Variants in CENPO observed in about 807,000 individuals in gnomAD.
CENPO encodes the protein centromere protein O, also known as centromeric protein O.
In CENPO, 30 loss-of-function variants were observed where a neutral mutation model predicts 36.1. That is an observed-to-expected ratio of 0.83 (90% CI 0.62 to 1.13). CENPO has a LOEUF of 1.13. Among genes scored for constraint, CENPO ranks in the 50% most tolerant of loss-of-function variants. CENPO has a pLI of 0.00. For synonymous variants in CENPO, 171 were observed against 142.3 expected, an observed-to-expected ratio of 1.20 and a Z score of -1.44; for missense variants, 349 against 357.8, an observed-to-expected ratio of 0.98 and a Z score of 0.20.
At chr2:24,816,854 C>A in intron 6 of CENPO, 37 bp downstream of exon 6, 2 of 1,538,166 alleles carry the variant, frequency 1.3e-6, no homozygotes. Context: ...TTCTCATATC[C>A]CAGTTTATTT....
chr2:24,820,206 G>A lies in CENPO; in HGVS notation c.*888G>A, dbSNP rs377714251. On this transcript the variant is annotated 3_prime_UTR_variant, in exon 8 of 8. Transcript: ENST00000380834. ...CTTTGGGTGGTTGGAGCCGAGCACT[G>A]ATCCATGGGTCCCAAGCAGTACGGG... 1.6e-6 allele frequency: 2 copies of A among 1,263,220 alleles called. No individual in the cohort carries two copies. The allele number at this position is 1,263,220 out of a possible 1,614,324, so 78.3% of individuals were successfully genotyped here. A position where few individuals can be genotyped will look rare whatever the true frequency, so the allele number is the denominator to read the frequency against.
In CENPO at chr2:24,820,330, C is replaced by T; in HGVS notation, c.*1012C>T. 7.5e-7 allele frequency: 1 copy of T among 1,331,450 alleles called. No individual in the cohort carries two copies. Among genetic ancestry groups the T allele is most frequent in the Non-Finnish European group, 9.6e-7 (1 of 1,044,314 alleles). The allele number at this position is 1,331,450 out of a possible 1,614,324, so 82.5% of individuals were successfully genotyped here. A position where few individuals can be genotyped will look rare whatever the true frequency, so the allele number is the denominator to read the frequency against. On this transcript the variant is annotated 3_prime_UTR_variant, in exon 8 of 8. Transcript: ENST00000380834. Reference sequence around the variant, plus strand: ...TGACTGGCTGGGGGCCTCCTCTCATCCAGAGACTTCTCTCCTAGGATGGCC... The same window carrying T: ...TGACTGGCTGGGGGCCTCCTCTCATTCAGAGACTTCTCTCCTAGGATGGCC...
rs574000727 is a variant in CENPO at position 24,799,723 on chromosome 2, G to T, written c.95G>T (p.Arg32Leu). The change falls in exon 3 of 8, where the codon CGT (arginine) becomes CTT (leucine). Residue 32 changes from arginine to leucine, a missense_variant. Arg to Leu is a moderately radical substitution (Grantham distance 102). Transcript: ENST00000380834. ...ERLETQVSRS[R>L]KQSEELQSVQ... is the part of the protein sequence containing the mutation. Reference sequence around the variant, plus strand: ...CTAGAGACCCAAGTGAGCAGATCCCGTAAACAGTCTGAAGAGCTGCAGAGC... The same window carrying T: ...CTAGAGACCCAAGTGAGCAGATCCCTTAAACAGTCTGAAGAGCTGCAGAGC... The T allele has an allele frequency of 1.2e-6, 2 of 1,613,996 alleles. No individual in the cohort carries two copies. Among genetic ancestry groups the T allele is most frequent in the Middle Eastern group, 1.7e-4 (1 of 5,996 alleles).
chr2:24,804,329 T>G (rs933864222), intron 3 of CENPO, among the ~76,000 whole-genome samples: 2 of 152,198 alleles, frequency 1.3e-5, no homozygotes, highest in Non-Finnish European at 2.9e-5. Context: ...TATTTACATT[T>G]AAGGTTAATA....
In CENPO at chr2:24,820,334, A is replaced by T. The variant is rs1425974589; in HGVS notation, c.*1016A>T. ...TGGCTGGGGGCCTCCTCTCATCCAGAGACTTCTCTCCTAGGATGGCCATGG... is the reference window on the plus strand; with the variant it reads ...TGGCTGGGGGCCTCCTCTCATCCAGTGACTTCTCTCCTAGGATGGCCATGG... On this transcript the variant is annotated 3_prime_UTR_variant, in exon 8 of 8. Transcript: ENST00000380834. The T allele has an allele frequency of 7.5e-7, 1 of 1,330,500 alleles. No homozygotes were observed. Among genetic ancestry groups the T allele is most frequent in the Non-Finnish European group, 9.6e-7 (1 of 1,044,306 alleles). The allele number at this position is 1,330,500 out of a possible 1,614,324, so 82.4% of individuals were successfully genotyped here. A position where few individuals can be genotyped will look rare whatever the true frequency, so the allele number is the denominator to read the frequency against.
Position 24,821,720 on chromosome 2 carries a change from C to T in CENPO, c.*2402C>T. 4 of 1,562,922 alleles carry T rather than the reference C, an allele frequency of 2.6e-6. No individual in the cohort carries two copies. The highest frequency in any genetic ancestry group is 3.5e-6 in the Non-Finnish European group (4 of 1,153,670). ...CTCTGCTGCCTTCCCTGGCAGTGTTCTGGGGGTGGATTCCCTACACCTAGA... is the reference window on the plus strand; with the variant it reads ...CTCTGCTGCCTTCCCTGGCAGTGTTTTGGGGGTGGATTCCCTACACCTAGA... On this transcript the variant is annotated 3_prime_UTR_variant, in exon 8 of 8. Transcript: ENST00000380834.
intron 3 of CENPO, 86 bp downstream of exon 3, chr2:24,799,930 A>C: frequency 4.3e-6 from 6 of 1,407,058 alleles, no homozygotes; most frequent in Non-Finnish European, 5.9e-6. Context: ...CATTTTTTAT[A>C]ATGTGTTTTA....
intron 2 of CENPO, 39 bp from the exon 3 acceptor site, chr2:24,799,636 C>T (rs749542686): frequency 1.9e-6 from 3 of 1,538,978 alleles, no homozygotes; most frequent in Non-Finnish European, 2.7e-6. Context: ...AGTGAGAAAT[C>T]CTCAGCTTCT....
chr2:24,810,884 A>T (rs1240382987), intron 3 of CENPO, among the ~76,000 whole-genome samples: 1 of 152,122 alleles, frequency 6.6e-6, no homozygotes, highest in African/African-American at 2.4e-5. Flanking sequence ...TCTTGTAAAT[A>T]GCATAGAGCT....
At chr2:24,801,595 A>G (rs1417164706) in intron 3 of CENPO, among the ~76,000 whole-genome samples, 4 of 152,152 alleles carry the variant, frequency 2.6e-5, no homozygotes, top group Admixed American at 6.5e-5. Flanking sequence ...ATCCTTCCCC[A>G]TTTCTTGTTT....
intron 2 of CENPO, among the ~76,000 whole-genome samples, chr2:24,796,443 G>A (rs1002594183): frequency 6.6e-6 from 1 of 152,098 alleles, no homozygotes. Flanking sequence ...AAATGCACAC[G>A]GTCCCTGATT....
intron 5 of CENPO, 129 bp downstream of exon 5, chr2:24,815,885 TTTC>T (rs1168792233): frequency 3.6e-6 from 3 of 842,504 alleles, no homozygotes; most frequent in Non-Finnish European, 5.5e-6. Context: ...CCGATGCTTG[TTTC>T]TTATTTATAT....
chr2:24,800,835 T>C (rs897643090), intron 3 of CENPO, among the ~76,000 whole-genome samples: 1 of 152,210 alleles, frequency 6.6e-6, no homozygotes, highest in African/African-American at 2.4e-5. Context: ...CCTTTGGATA[T>C]ATACCCAGTA....
At chr2:24,793,738 G>A (rs1053144153) in intron 1 of CENPO, 114 bp from the exon 2 acceptor site, 19 of 983,710 alleles carry the variant, frequency 1.9e-5, no homozygotes, top group Middle Eastern at 2.5e-4. Context: ...GATCCTAGCC[G>A]TGACATTTGT....
rs1397928710 is a variant in CENPO, at chr2:24,820,217, C to G, written c.*899C>G. ...TGGAGCCGAGCACTGATCCATGGGT[C>G]CCAAGCAGTACGGGACACTCCCCAA... On this transcript the variant is annotated 3_prime_UTR_variant, in exon 8 of 8. Transcript: ENST00000380834. 1 of 1,246,102 alleles carries G rather than the reference C, an allele frequency of 8.0e-7. No individual in the cohort carries two copies. Among genetic ancestry groups the G allele is most frequent in the African/African-American group, 1.5e-5 (1 of 66,006 alleles). 77.2% of individuals were successfully genotyped at this position (1,246,102 alleles called of 1,614,324 possible).
In CENPO at chr2:24,793,860, T is replaced by C; in HGVS notation, c.-60T>C. 1.9e-6 allele frequency: 3 copies of C among 1,613,272 alleles called. No individual in the cohort carries two copies. Among genetic ancestry groups the C allele is most frequent in the Non-Finnish European group, 2.5e-6 (3 of 1,179,280 alleles). ...CATTTTTCTTTTATTAGCAAGGACA[T>C]TGGAGTCCCTATCACCGGTTGCCTA... On this transcript the variant is annotated 5_prime_UTR_variant, in exon 2 of 8. Coordinates refer to ENST00000380834, the MANE Select transcript of CENPO (RefSeq NM_001322101.2).
chr2:24,819,316 A>ATAAATG (rs1232075477), intron 7 of CENPO, 38 bp from the exon 8 acceptor site: 1 of 152,570 alleles, frequency 6.6e-6, no homozygotes, highest in Non-Finnish European at 1.5e-5. Flanking sequence ...GATTAAAAAT[A>ATAAATG]TAAATGTAGA....
chr2:24,804,339 ATTG>A (rs1294886768), intron 3 of CENPO, among the ~76,000 whole-genome samples: 1 of 152,122 alleles, frequency 6.6e-6, no homozygotes, highest in African/African-American at 2.4e-5. Flanking sequence ...TAAGGTTAAT[ATTG>A]TTATGTGTGA....
At chr2:24,798,267 A>ATG (rs1666001495) in intron 2 of CENPO, among the ~76,000 whole-genome samples, 2 of 114,844 alleles carry the variant, frequency 1.7e-5, no homozygotes, top group African/African-American at 6.1e-5. Flanking sequence ...GTGTGTGTGT[A>ATG]TGTGTGTGTA....
Sources: gnomAD v4.1 joint callset for allele counts (sites outside exome capture counted in the v4.1 genomes callset) on GRCh38, gnomAD v4.1.1 for gene constraint, MANE v1.5 for transcripts, NCBI Gene and HGNC (gene_info 2026-07-23, HGNC 2026-07-21) for gene names.